Variants in GIMAP2 observed in about 807,000 individuals in gnomAD.
GIMAP2 encodes the protein GTPase, IMAP family member 2, also known as GTPase IMAP family member 2.
GIMAP2 carries 22 observed loss-of-function variants against 25.5 expected under a neutral mutation model. The ratio of observed to expected loss-of-function variants is 0.86; its 90% CI spans 0.62 to 1.23. The LOEUF (loss-of-function observed/expected upper bound fraction) is 1.23. Ranked by LOEUF, GIMAP2 falls within the 50% of genes most tolerant of loss-of-function variation. The probability of loss-of-function intolerance (pLI) is 0.00; values close to 1 mark genes in which losing one functional copy is unlikely to be tolerated. For synonymous variants in GIMAP2, 167 were observed against 143.0 expected, an observed-to-expected ratio of 1.17 and a Z score of -1.20; for missense variants, 422 against 395.7, an observed-to-expected ratio of 1.07 and a Z score of -0.56.
Position 150,693,142 on chromosome 7 carries a change from C to G in GIMAP2, c.856C>G (p.Leu286Val). The change falls in exon 3 of 3, where the codon CTG (leucine) becomes GTG (valine). Residue 286 changes from leucine (L) to valine (V), a missense_variant. Coordinates refer to ENST00000223293, the MANE Select transcript of GIMAP2 (RefSeq NM_015660.3). Reference protein sequence around the residue: ...CIQLFLRLIILWLCILHSMCN... With the variant: ...CIQLFLRLIIVWLCILHSMCN... Reference sequence around the variant, plus strand: ...TCAGTTGTTTCTCAGATTGATAATTCTGTGGCTTTGCATACTGCACAGCAT... The same window carrying G: ...TCAGTTGTTTCTCAGATTGATAATTGTGTGGCTTTGCATACTGCACAGCAT... 6.2e-7 allele frequency: 1 copy of G among 1,613,710 alleles called. No individual in the cohort carries two copies. Among genetic ancestry groups the G allele is most frequent in the Non-Finnish European group, 8.5e-7 (1 of 1,179,624 alleles).
chr7:150,689,401 G>A, intron 2 of GIMAP2: 1 of 652,588 alleles, frequency 1.5e-6, no homozygotes, highest in Non-Finnish European at 2.8e-6. Flanking sequence ...CCCCATGGGA[G>A]AGAATGAGGT....
Position 150,692,339 on chromosome 7 carries a change from C to G in GIMAP2, c.53C>G (p.Ala18Gly). Reference sequence around the variant, plus strand: ...GGACCACATGCAAAGGGCCAATGTGCCAGCAGATCTGAGCTGAGAATCATC... The same window carrying G: ...GGACCACATGCAAAGGGCCAATGTGGCAGCAGATCTGAGCTGAGAATCATC... ...HWGPHAKGQC[A>G]SRSELRIILV... The change falls in exon 3 of 3, where the codon GCC becomes GGC. Residue 18 changes from alanine (A) to glycine (G), a missense_variant. Physicochemically the swap from Ala to Gly is moderately conservative, Grantham distance 60 (BLOSUM62 0). Coordinates refer to ENST00000223293, the MANE Select transcript of GIMAP2 (RefSeq NM_015660.3). The G allele has an allele frequency of 6.2e-7, 1 of 1,613,866 alleles. No individual in the cohort carries two copies. Among genetic ancestry groups the G allele is most frequent in the Non-Finnish European group, 8.5e-7 (1 of 1,179,774 alleles).
At position 150,692,191 on chromosome 7, in the gene GIMAP2, C is replaced by T. The variant is rs1028969742; in HGVS notation, c.29-124C>T. ...AGTGACCCGAGATCACGCCATTGCA[C>T]TCCAGCCTGGGCGACAGAGCGAGAC... is the stretch of plus-strand genomic sequence containing the variant. On this transcript the variant is annotated intron_variant, in intron 2 of 2. Transcript: ENST00000223293. 7 of 921,684 alleles carry T rather than the reference C, an allele frequency of 7.6e-6. No individual in the cohort carries two copies. In the Middle Eastern group the frequency reaches 9.7e-4, roughly 127 times the overall value. The allele number at this position is 921,684 out of a possible 1,614,324, so 57.1% of individuals were successfully genotyped here. A position where few individuals can be genotyped will look rare whatever the true frequency, so the allele number is the denominator to read the frequency against.
intron 2 of GIMAP2, among the ~76,000 whole-genome samples, chr7:150,690,379 T>C (rs1796951786): frequency 1.3e-5 from 2 of 152,150 alleles, no homozygotes; most frequent in South Asian, 4.1e-4. Flanking sequence ...AGTAGACTAG[T>C]GTCCCAGTGA....
In GIMAP2 at chr7:150,692,406, C is replaced by G; in HGVS notation, c.120C>G (p.Asn40Lys). Reference protein sequence around the residue: ...KTGTGKSAAGNSILRKQAFES... With the variant: ...KTGTGKSAAGKSILRKQAFES... ...GAACTGGCAAAAGTGCTGCAGGGAA[C>G]AGCATCCTCAGGAAGCAAGCATTTG... Residue 40 changes from asparagine to lysine, a missense_variant, in exon 3 of 3, where the codon AAC becomes AAG. Physicochemically the swap from Asn to Lys is moderately conservative, Grantham distance 94. Transcript: ENST00000223293. 1 of 1,614,212 alleles carries G rather than the reference C, an allele frequency of 6.2e-7. No homozygotes were observed. Among genetic ancestry groups the G allele is most frequent in the Non-Finnish European group, 8.5e-7 (1 of 1,180,032 alleles).
intron 1 of GIMAP2, among the ~76,000 whole-genome samples, chr7:150,686,806 T>C (rs1300457780): frequency 6.6e-6 from 1 of 151,690 alleles, no homozygotes; most frequent in East Asian, 1.9e-4. Flanking sequence ...TAGATGGGCA[T>C]GGTGGTGCAC....
At chr7:150,687,509 TTG>T in intron 2 of GIMAP2, 1 of 156,226 alleles carries the variant, frequency 6.4e-6, no homozygotes, top group Non-Finnish European at 1.4e-5. Context: ...ACTCCTGACC[TTG>T]TGATCCACCC....
At chr7:150,688,772 C>A (rs925161701) in intron 2 of GIMAP2, among the ~76,000 whole-genome samples, 1 of 152,178 alleles carries the variant, frequency 6.6e-6, no homozygotes, top group African/African-American at 2.4e-5. Context: ...GGCTAGTCCT[C>A]ACCGCCATCC....
At chr7:150,690,132 C>T (rs1252375692) in intron 2 of GIMAP2, among the ~76,000 whole-genome samples, 1 of 152,178 alleles carries the variant, frequency 6.6e-6, no homozygotes, top group Admixed American at 6.5e-5. Flanking sequence ...AGCACAGTGA[C>T]TCTTGTAACT....
chr7:150,692,874 G>A lies in GIMAP2; in HGVS notation c.588G>A (p.Lys196=). Residue 196 remains lysine, a synonymous_variant, in exon 3 of 3, where the codon AAG becomes AAA. Transcript: ENST00000223293. ...AEGSNQDDQV[K]ELMDCIEDLL... ...GGAGCAATCAGGATGACCAAGTGAA[G>A]GAACTAATGGACTGTATTGAGGATC... The A allele has an allele frequency of 1.9e-6, 3 of 1,614,172 alleles. No individual in the cohort carries two copies. Among genetic ancestry groups the A allele is most frequent in the Non-Finnish European group, 2.5e-6 (3 of 1,179,996 alleles).
intron 2 of GIMAP2, chr7:150,687,303 C>A: frequency 2.6e-6 from 1 of 384,908 alleles, no homozygotes. Context: ...GACAGTGTCT[C>A]TCTCTGTCAC....
Position 150,692,320 on chromosome 7 carries a change from C to T in GIMAP2, c.34C>T (p.His12Tyr), listed in dbSNP as rs1796975429. ...AGTAAACTTGCTCCTCACAGGACCA[C>T]ATGCAAAGGGCCAATGTGCCAGCAG... ...DQNEHSHWGP[H>Y]AKGQCASRSE... Residue 12 changes from histidine (H) to tyrosine (Y), a missense_variant, in exon 3 of 3, where the codon CAT (histidine) becomes TAT (tyrosine). Transcript: ENST00000223293. 3 of 1,613,172 alleles carry T rather than the reference C, an allele frequency of 1.9e-6. No homozygotes were observed. The highest frequency in any genetic ancestry group is 1.7e-6 in the Non-Finnish European group (2 of 1,179,172).
Position 150,693,316 on chromosome 7 carries a change from A to G in GIMAP2, c.*16A>G, listed in dbSNP as rs764238213. ...TAGGTTATAGTTACAGATCCCAGTT[A>G]TTATTTACTCACTATCATTTAGTGG... On this transcript the variant is annotated 3_prime_UTR_variant, in exon 3 of 3. Coordinates refer to ENST00000223293, the MANE Select transcript of GIMAP2 (RefSeq NM_015660.3). 3 of 1,492,834 alleles carry G rather than the reference A, an allele frequency of 2.0e-6. No homozygotes were observed. The highest frequency in any genetic ancestry group is 2.1e-5 in the Admixed American group (1 of 48,746). 92.5% of individuals were successfully genotyped at this position (1,492,834 alleles called of 1,614,324 possible).
Position 150,693,294 on chromosome 7 carries a change from G to A in GIMAP2, c.1008G>A (p.Arg336=). The A allele has an allele frequency of 6.5e-7, 1 of 1,546,992 alleles. No individual in the cohort carries two copies. The highest frequency in any genetic ancestry group is 1.4e-5 in the African/African-American group (1 of 73,060). ...TVIRLERKTP[R]L ...TTAGACTAGAACGCAAGACTCCTAG[G>A]TTATAGTTACAGATCCCAGTTATTA... is the stretch of plus-strand genomic sequence containing the variant. The change falls in exon 3 of 3, where the codon AGG becomes AGA. Residue 336 remains arginine (R), a synonymous_variant. Transcript: ENST00000223293.
In GIMAP2 at chr7:150,693,109, TTTTGTATTCAGTTG is replaced by T; in HGVS notation, c.827_840del (p.Cys276SerfsTer24). The T allele has an allele frequency of 6.2e-7, 1 of 1,613,294 alleles. No homozygotes were observed. Among genetic ancestry groups the T allele is most frequent in the Non-Finnish European group, 8.5e-7 (1 of 1,179,222 alleles). The stretch of plus-strand genomic sequence containing the variant: ...AATCAAAACACAACTGTGTGTTTTA[TTTTGTATTCAGTTG>T]TTTCTCAGATTGATAATTCTGTGGC... On this transcript the variant is annotated frameshift_variant, in exon 3 of 3. Transcript: ENST00000223293. LOFTEE classifies it high-confidence loss of function.
intron 2 of GIMAP2, 102 bp downstream of exon 2, chr7:150,687,189 C>T (rs1218119471): frequency 9.7e-7 from 1 of 1,026,994 alleles, no homozygotes; most frequent in African/African-American, 1.6e-5. Context: ...GCAAAATAAA[C>T]AAGGGTGAAG....
rs758719032 is a variant in GIMAP2 at position 150,692,438 on chromosome 7, A to T, written c.152A>T (p.Lys51Met). ...CTCAGGAAGCAAGCATTTGAATCGA[A>T]GCTGGGTTCCCAGACCTTGACTAAG... ...SILRKQAFESKLGSQTLTKTC... is the reference protein window; with the variant it reads ...SILRKQAFESMLGSQTLTKTC... Residue 51 changes from lysine (K) to methionine (M), a missense_variant, in exon 3 of 3, where the codon AAG becomes ATG. Transcript: ENST00000223293. 2 of 1,614,204 alleles carry T rather than the reference A, an allele frequency of 1.2e-6. No individual in the cohort carries two copies. The highest frequency in any genetic ancestry group is 8.5e-7 in the Non-Finnish European group (1 of 1,180,034).
rs778956614 is a variant in GIMAP2, at chr7:150,692,749, TC to T, written c.466del (p.Leu156Ter). The T allele has an allele frequency of 6.0e-4, 976 of 1,614,152 alleles. 2 individuals are homozygous for T. The highest frequency in any genetic ancestry group is 7.7e-4 in the Non-Finnish European group (913 of 1,180,014). ...FTHKEDLNGG[S>X]LMDYMHDSDN... ...CCACAAGGAAGACCTCAATGGTGGC[TC>T]CCTGATGGATTACATGCACGACTCA... On this transcript the variant is annotated frameshift_variant, in exon 3 of 3. Transcript: ENST00000223293. LOFTEE classifies it high-confidence loss of function.
chr7:150,688,878 C>T (rs1007145157), intron 2 of GIMAP2, among the ~76,000 whole-genome samples: 2 of 152,364 alleles, frequency 1.3e-5, no homozygotes, highest in Admixed American at 6.5e-5. Context: ...GCTGCGCCCT[C>T]TCTGGCAGAA....
Sources: allele counts gnomAD v4.1 joint callset (sites outside exome capture counted in the v4.1 genomes callset), GRCh38; gene constraint gnomAD v4.1.1; transcripts MANE v1.5; gene names NCBI Gene and HGNC (gene_info 2026-07-23, HGNC 2026-07-21).